The following LRMDA variants were observed in gnomAD, a reference collection of about 807,000 sequenced individuals.
The protein encoded by LRMDA is leucine-rich melanocyte differentiation-associated protein.
A neutral mutation model predicts 29.8 loss-of-function variants in LRMDA; 18 were observed. The observed-to-expected ratio is 0.60, with a 90% CI of 0.42 to 0.90. The LOEUF (loss-of-function observed/expected upper bound fraction) is 0.90. LRMDA is among the 40% of genes least tolerant of loss of function. The pLI is 0.00. For missense variants in LRMDA, 273 were observed against 273.9 expected, an observed-to-expected ratio of 1.00 and a Z score of 0.02; for synonymous variants, 125 against 109.4, an observed-to-expected ratio of 1.14 and a Z score of -0.89.
Position 76,374,573 on chromosome 10 carries a change from C to G in LRMDA, c.601+50088C>G, listed in dbSNP as rs78214374. On this transcript the variant is annotated intron_variant, in intron 6 of 6. Transcript: ENST00000611255. ...AAGTTTCTTGTCTCCCAAGAAGACA[C>G]CAACGCTCAGTTGAATATAGCAGCC... Among the ~76,000 whole-genome samples, 1,169 of 152,276 alleles carry G rather than the reference C, an allele frequency of 7.7e-3. 4 individuals carry two copies. The highest frequency in any genetic ancestry group is 0.014 in the Non-Finnish European group (919 of 68,002).
At chr10:75,741,330 C>G (rs535632530) in intron 2 of LRMDA, among the ~76,000 whole-genome samples, 21 of 152,224 alleles carry the variant, frequency 1.4e-4, no homozygotes, top group African/African-American at 5.1e-4. Flanking sequence ...AGACCACATG[C>G]CCGCCTCCAT....
At chr10:75,736,248 CTATT>C (rs1176207144) in intron 2 of LRMDA, among the ~76,000 whole-genome samples, 7 of 152,302 alleles carry the variant, frequency 4.6e-5, no homozygotes, top group African/African-American at 7.2e-5. Flanking sequence ...TTTTCAGAAA[CTATT>C]TACCCATTAC....
At chr10:75,580,279 A>G (rs1456986477) in intron 2 of LRMDA, among the ~76,000 whole-genome samples, 1 of 152,234 alleles carries the variant, frequency 6.6e-6, no homozygotes, top group East Asian at 1.9e-4. Flanking sequence ...CAGCAGTAAC[A>G]GACAAACAGA....
At chr10:76,359,972 C>A (rs1841291256) in intron 6 of LRMDA, among the ~76,000 whole-genome samples, 1 of 151,970 alleles carries the variant, frequency 6.6e-6, no homozygotes, top group South Asian at 2.1e-4. Flanking sequence ...TGGATCGGTC[C>A]AGTGGCATTT....
At chr10:76,378,574 G>A (rs1340201964) in intron 6 of LRMDA, among the ~76,000 whole-genome samples, 7 of 151,918 alleles carry the variant, frequency 4.6e-5, no homozygotes, top group African/African-American at 1.5e-4. Flanking sequence ...AGTTTGTTGA[G>A]GGTTTTAATC....
chr10:76,295,185 G>A (rs16933179), intron 5 of LRMDA, among the ~76,000 whole-genome samples: 30,550 of 152,094 alleles, frequency 0.2, 3,121 homozygotes, highest in Non-Finnish European at 0.23. Flanking sequence ...CACAATGTAA[G>A]AAGAAAGTTT....
intron 5 of LRMDA, among the ~76,000 whole-genome samples, chr10:76,225,557 G>A (rs1564691968): frequency 1.3e-5 from 2 of 152,028 alleles, no homozygotes; most frequent in Non-Finnish European, 2.9e-5. Context: ...TCCTGTAACA[G>A]CTGGTTGTTA....
chr10:76,437,914 T>A lies in LRMDA; in HGVS notation c.601+113429T>A, dbSNP rs140220814. Among the ~76,000 whole-genome samples, 694 of 152,268 alleles carry A rather than the reference T, an allele frequency of 4.6e-3. 8 individuals carry two copies. Among genetic ancestry groups the A allele is most frequent in the African/African-American group, 0.016 (647 of 41,542 alleles). On this transcript the variant is annotated intron_variant, in intron 6 of 6. Coordinates refer to ENST00000611255, the MANE Select transcript of LRMDA (RefSeq NM_001305581.2). Reference sequence around the variant, plus strand: ...TTTGGTCCTCATAACAACCATAAGGTAGGTTGTATCACTGATTTTCAGATG... The same window carrying A: ...TTTGGTCCTCATAACAACCATAAGGAAGGTTGTATCACTGATTTTCAGATG...
At chr10:76,476,985 G>A (rs572240230) in intron 6 of LRMDA, among the ~76,000 whole-genome samples, 36 of 152,000 alleles carry the variant, frequency 2.4e-4, no homozygotes, top group Admixed American at 3.9e-4. Flanking sequence ...CTTTGAAAAT[G>A]GGCACAAGAC....
chr10:76,212,815 T>C (rs2132247765), intron 5 of LRMDA, among the ~76,000 whole-genome samples: 1 of 152,068 alleles, frequency 6.6e-6, no homozygotes, highest in East Asian at 1.9e-4. Context: ...TCAAGATCAG[T>C]GTAGGTGGAA....
Position 76,153,130 on chromosome 10 carries a change from C to T in LRMDA, c.516+94347C>T, listed in dbSNP as rs542650076. ...CTGGGATTACAGGCATGAGCCACCA[C>T]GCCTGGCCTTTTTTGGCTATTTTTA... is the stretch of plus-strand genomic sequence containing the variant. On this transcript the variant is annotated intron_variant, in intron 5 of 6. Transcript: ENST00000611255. Among the ~76,000 whole-genome samples, 355 of 152,236 alleles carry T rather than the reference C, an allele frequency of 2.3e-3. 1 individual carries two copies. The highest frequency in any genetic ancestry group is 7.8e-3 in the African/African-American group (325 of 41,552).
chr10:76,110,482 G>T (rs1564655280), intron 5 of LRMDA, among the ~76,000 whole-genome samples: 2 of 152,132 alleles, frequency 1.3e-5, no homozygotes, highest in Admixed American at 1.3e-4. Flanking sequence ...CCTTGCACTG[G>T]CTTAGTCTTG....
At chr10:75,990,148 A>T (rs1847342260) in intron 2 of LRMDA, among the ~76,000 whole-genome samples, 1 of 152,198 alleles carries the variant, frequency 6.6e-6, no homozygotes, top group Non-Finnish European at 1.5e-5. Context: ...AGAGCCTTTG[A>T]TTTATCGGGG....
chr10:75,891,073 C>T (rs1483299654), intron 2 of LRMDA, among the ~76,000 whole-genome samples: 1 of 151,352 alleles, frequency 6.6e-6, no homozygotes, highest in Non-Finnish European at 1.5e-5. Context: ...CCACCGCACT[C>T]CAGCCTGGGC....
At chr10:75,820,471 A>G (rs1487673009) in intron 2 of LRMDA, among the ~76,000 whole-genome samples, 3 of 152,370 alleles carry the variant, frequency 2.0e-5, no homozygotes, top group Admixed American at 2.0e-4. Context: ...AAATAGAGAC[A>G]TAACATACCA....
At chr10:75,567,166 A>G (rs4745782) in intron 2 of LRMDA, among the ~76,000 whole-genome samples, 93,409 of 151,674 alleles carry the variant, frequency 0.62, 31,609 homozygotes, top group East Asian at 0.85. Flanking sequence ...TCTTCTAGAT[A>G]TTCTAATCAT....
At chr10:75,822,445 G>A (rs1909696) in intron 2 of LRMDA, among the ~76,000 whole-genome samples, 22 of 151,770 alleles carry the variant, frequency 1.4e-4, no homozygotes, top group Non-Finnish European at 2.5e-4. Flanking sequence ...GTCACTATTC[G>A]CAGAATTTAA....
chr10:76,284,344 G>A (rs757016604), intron 5 of LRMDA, among the ~76,000 whole-genome samples: 21 of 152,092 alleles, frequency 1.4e-4, no homozygotes, highest in Non-Finnish European at 3.1e-4. Context: ...AGAGATTGGA[G>A]CAATGTGCTT....
chr10:75,484,496 G>A (rs538905366), intron 2 of LRMDA, among the ~76,000 whole-genome samples: 2 of 152,222 alleles, frequency 1.3e-5, no homozygotes, highest in South Asian at 4.1e-4. Flanking sequence ...CAATTGGCAG[G>A]AGTTTTCTTT....
Sources: allele counts gnomAD v4.1 joint callset (sites outside exome capture counted in the v4.1 genomes callset), GRCh38; gene constraint gnomAD v4.1.1; transcripts MANE v1.5; gene names NCBI Gene and HGNC (gene_info 2026-07-23, HGNC 2026-07-21).